CDH4: variants seen among roughly 807,000 people sequenced by gnomAD.
CDH4 encodes the protein cadherin-4.
Under a neutral mutation model 86.0 loss-of-function variants are expected in CDH4, and 33 were observed. The ratio of observed to expected loss-of-function variants is 0.38; its 90% CI spans 0.29 to 0.51. The LOEUF (loss-of-function observed/expected upper bound fraction) is 0.51. Ranked by LOEUF, CDH4 falls within the 20% of genes least tolerant of loss-of-function variation. The probability of loss-of-function intolerance (pLI) is 0.86; values close to 1 mark genes in which losing one functional copy is unlikely to be tolerated. For missense variants in CDH4, 1,114 were observed against 1,307.4 expected, an observed-to-expected ratio of 0.85 and a Z score of 2.28; for synonymous variants, 555 against 549.4, an observed-to-expected ratio of 1.01 and a Z score of -0.14.
intron 2 of CDH4, among the ~76,000 whole-genome samples, chr20:61,698,385 T>C (rs995655356): frequency 6.6e-6 from 1 of 152,258 alleles, no homozygotes; most frequent in African/African-American, 2.4e-5. Flanking sequence ...AGTGGGGCTG[T>C]GCCAGGCACT....
intron 2 of CDH4, among the ~76,000 whole-genome samples, chr20:61,690,175 G>GA (rs200844238): frequency 1.9e-4 from 28 of 147,560 alleles, no homozygotes; most frequent in South Asian, 8.6e-4. Context: ...TGGGGACAGT[G>GA]GTTGGTGAGG....
At chr20:61,868,570 C>G (rs145993348) in intron 6 of CDH4, among the ~76,000 whole-genome samples, 164 of 152,340 alleles carry the variant, frequency 1.1e-3, no homozygotes, top group African/African-American at 3.9e-3. Flanking sequence ...AGCCTTAAGG[C>G]AAACCAGGCG....
chr20:61,568,631 C>T (rs1273922363), intron 2 of CDH4, among the ~76,000 whole-genome samples: 1 of 152,236 alleles, frequency 6.6e-6, no homozygotes, highest in African/African-American at 2.4e-5. Context: ...TGCTATGCTC[C>T]AGTCTTGGCG....
intron 2 of CDH4, among the ~76,000 whole-genome samples, chr20:61,728,429 A>G (rs1188380371): frequency 6.6e-6 from 1 of 152,128 alleles, no homozygotes; most frequent in Admixed American, 6.5e-5. Context: ...CTTTCAAGGA[A>G]GGGCTCAAGG....
intron 2 of CDH4, among the ~76,000 whole-genome samples, chr20:61,632,737 A>C (rs6142811): frequency 0.63 from 93,749 of 148,786 alleles, 30,016 homozygotes; most frequent in African/African-American, 0.75. Flanking sequence ...ACTCATTCAT[A>C]CTTTTACCCT....
intron 4 of CDH4, among the ~76,000 whole-genome samples, chr20:61,839,387 A>G (rs553559584): frequency 6.6e-6 from 1 of 150,610 alleles, no homozygotes; most frequent in East Asian, 2.0e-4. Flanking sequence ...TTGTGTGTGT[A>G]TGTGTATTTG....
chr20:61,583,626 G>A (rs112065188), intron 2 of CDH4, among the ~76,000 whole-genome samples: 2,223 of 152,294 alleles, frequency 0.015, 35 homozygotes, highest in African/African-American at 0.036. Context: ...CACATGGCTG[G>A]GTGCCTGGCC....
chr20:61,331,639 C>A (rs74213278), intron 2 of CDH4, among the ~76,000 whole-genome samples: 1 of 4,984 alleles, frequency 2.0e-4, no homozygotes, highest in Non-Finnish European at 4.2e-4. Context: ...TGCCCCAGAC[C>A]CACCTCCCGC....
intron 6 of CDH4, among the ~76,000 whole-genome samples, chr20:61,869,190 C>T (rs774477498): frequency 6.6e-6 from 1 of 152,166 alleles, no homozygotes; most frequent in Non-Finnish European, 1.5e-5. Flanking sequence ...AGTTGGCAAC[C>T]CTATATTGAT....
intron 2 of CDH4, among the ~76,000 whole-genome samples, chr20:61,488,259 A>G (rs1234333771): frequency 1.3e-5 from 2 of 152,232 alleles, no homozygotes; most frequent in African/African-American, 4.8e-5. Flanking sequence ...AGCAAAGCAC[A>G]GGGCAGGGTG....
intron 4 of CDH4, among the ~76,000 whole-genome samples, chr20:61,794,918 C>G (rs1028991951): frequency 6.6e-6 from 1 of 151,958 alleles, no homozygotes; most frequent in African/African-American, 2.4e-5. Flanking sequence ...TCCTGAGCCA[C>G]TCCTGAAGTG....
chr20:61,824,966 A>AC (rs1981241487), intron 4 of CDH4, among the ~76,000 whole-genome samples: 1 of 152,046 alleles, frequency 6.6e-6, no homozygotes, highest in Non-Finnish European at 1.5e-5. Context: ...CTTTCCTGGG[A>AC]CCCCACGGCC....
rs575469238 is a variant in CDH4 at position 61,733,146 on chromosome 20, T to C, written c.170-10417T>C. Reference sequence around the variant, plus strand: ...GGAGGGTGGGAAAGAAGAAGGGCAGTCTCCTGGGACGCTAGGTGCTCAGTT... The same window carrying C: ...GGAGGGTGGGAAAGAAGAAGGGCAGCCTCCTGGGACGCTAGGTGCTCAGTT... On this transcript the variant is annotated intron_variant, in intron 2 of 15. Coordinates refer to ENST00000614565, the MANE Select transcript of CDH4 (RefSeq NM_001794.5). 1.4e-3 allele frequency among the ~76,000 whole-genome samples: 218 copies of C among 152,144 alleles called. 4 individuals are homozygous for C. Among genetic ancestry groups the C allele is most frequent in the Non-Finnish European group, 2.6e-4 (18 of 67,982 alleles).
chr20:61,732,004 C>T (rs986498089), intron 2 of CDH4, among the ~76,000 whole-genome samples: 1 of 152,176 alleles, frequency 6.6e-6, no homozygotes, highest in African/African-American at 2.4e-5. Context: ...CCACCACCTT[C>T]AGAAACCTTG....
At chr20:61,588,591 C>T (rs1349167767) in intron 2 of CDH4, among the ~76,000 whole-genome samples, 2 of 152,208 alleles carry the variant, frequency 1.3e-5, no homozygotes, top group Non-Finnish European at 2.9e-5. Context: ...ATCTGTGGAG[C>T]CCGTGGCCTT....
In CDH4 at chr20:61,660,016, C is replaced by T. The variant is rs570628824; in HGVS notation, c.170-83547C>T. Among the ~76,000 whole-genome samples the T allele has an allele frequency of 7.2e-5, 11 of 152,194 alleles. No individual in the cohort carries two copies. In the South Asian group the frequency reaches 1.7e-3, roughly 23 times the overall value. Reference sequence around the variant, plus strand: ...AGCTGCTGAGCAGGGTTCTGGACTCCTGCTTTTCCGGCTGTGATACCCGCT... The same window carrying T: ...AGCTGCTGAGCAGGGTTCTGGACTCTTGCTTTTCCGGCTGTGATACCCGCT... On this transcript the variant is annotated intron_variant, in intron 2 of 15. Transcript: ENST00000614565.
chr20:61,899,292 AAAAG>A (rs1259731939), intron 8 of CDH4, among the ~76,000 whole-genome samples: 3 of 147,034 alleles, frequency 2.0e-5, no homozygotes, highest in Non-Finnish European at 3.0e-5. Flanking sequence ...TCAAAAAAAA[AAAAG>A]AAAAGAAGAG....
intron 2 of CDH4, among the ~76,000 whole-genome samples, chr20:61,668,487 G>T (rs547804070): frequency 6.6e-6 from 1 of 152,236 alleles, no homozygotes; most frequent in Non-Finnish European, 1.5e-5. Context: ...GGAGGCTGTC[G>T]TGGGGCGTGC....
At chr20:61,717,427 C>G (rs2087970662) in intron 2 of CDH4, 2 of 152,254 alleles carry the variant, frequency 1.3e-5, no homozygotes. Context: ...TTTCCCCCCA[C>G]AGATATTTCG....
Sources: allele counts gnomAD v4.1 joint callset (sites outside exome capture counted in the v4.1 genomes callset), GRCh38; gene constraint gnomAD v4.1.1; transcripts MANE v1.5; gene names NCBI Gene and HGNC (gene_info 2026-07-23, HGNC 2026-07-21).